TMEM132D: variants seen among roughly 807,000 people sequenced by gnomAD.
TMEM132D encodes mature OL transmembrane protein.
A neutral mutation model predicts 62.3 loss-of-function variants in TMEM132D; 21 were observed. The observed-to-expected ratio is 0.34, with a 90% CI of 0.24 to 0.49. The LOEUF (loss-of-function observed/expected upper bound fraction) is 0.49, where lower values mean the gene tolerates loss of function less well. Among genes scored for constraint, TMEM132D ranks in the 20% least tolerant of loss-of-function variants. TMEM132D has a pLI of 0.99. For synonymous variants in TMEM132D, 621 were observed against 575.6 expected (o/e 1.08, Z -1.13); for missense variants, 1,346 against 1,402.8 (o/e 0.96, Z 0.65).
In TMEM132D at chr12:129,418,940, A is replaced by G. The variant is rs57934860; in HGVS notation, c.1116-81123T>C. On this transcript the variant is annotated intron_variant, in intron 3 of 8. Coordinates refer to ENST00000422113, the MANE Select transcript of TMEM132D (RefSeq NM_133448.3). ...TGCCGAGTGACAATCAAGTGAAGCAACGACAGCCAGCACAGGCCAAGGGCT... is the reference window on the plus strand; with the variant it reads ...TGCCGAGTGACAATCAAGTGAAGCAGCGACAGCCAGCACAGGCCAAGGGCT... Among the ~76,000 whole-genome samples, 1,176 of 152,176 alleles carry G rather than the reference A, an allele frequency of 7.7e-3. 13 individuals are homozygous for G. The highest frequency in any genetic ancestry group is 0.027 in the African/African-American group (1,110 of 41,520).
intron 2 of TMEM132D, among the ~76,000 whole-genome samples, chr12:129,618,406 G>C (rs1379446106): frequency 6.6e-6 from 1 of 152,208 alleles, no homozygotes; most frequent in Non-Finnish European, 1.5e-5. Context: ...TTTACCTGAT[G>C]TGTTTGTTCG....
chr12:129,226,041 G>A (rs370467541), intron 4 of TMEM132D, among the ~76,000 whole-genome samples: 3 of 152,226 alleles, frequency 2.0e-5, no homozygotes, highest in Non-Finnish European at 2.9e-5. Context: ...GTTTCGAGCC[G>A]TAGAAGCTGT....
At chr12:129,634,306 A>C (rs141324896) in intron 2 of TMEM132D, among the ~76,000 whole-genome samples, 8 of 131,604 alleles carry the variant, frequency 6.1e-5, no homozygotes, top group African/African-American at 2.4e-4. Context: ...GTGTCTGTCT[A>C]TACGTTAAAA....
At position 129,504,753 on chromosome 12, in the gene TMEM132D, T is replaced by C. The variant is rs542850253; in HGVS notation, c.1115+26306A>G. Among the ~76,000 whole-genome samples the C allele has an allele frequency of 2.8e-3, 432 of 152,294 alleles. 2 individuals carry two copies. The highest frequency in any genetic ancestry group is 3.9e-3 in the Non-Finnish European group (266 of 68,026). ...CTGATCTTGGTTATTTCCTTTCTTC[T>C]GCTGGGTTTGGGTTTGTTCTTGTTT... On this transcript the variant is annotated intron_variant, in intron 3 of 8. Transcript: ENST00000422113.
intron 5 of TMEM132D, among the ~76,000 whole-genome samples, chr12:129,150,143 G>T (rs984105185): frequency 1.3e-5 from 2 of 152,206 alleles, no homozygotes; most frequent in Non-Finnish European, 2.9e-5. Context: ...GGGTGCTGGG[G>T]CTCACTCCCG....
intron 5 of TMEM132D, among the ~76,000 whole-genome samples, chr12:129,187,284 A>G (rs142313110): frequency 1.3e-5 from 2 of 152,224 alleles, no homozygotes; most frequent in Non-Finnish European, 2.9e-5. Flanking sequence ...ATCAACTCCA[A>G]TTGTGTTAGG....
intron 3 of TMEM132D, among the ~76,000 whole-genome samples, chr12:129,513,309 T>C (rs1042511999): frequency 6.6e-6 from 1 of 152,046 alleles, no homozygotes; most frequent in Non-Finnish European, 1.5e-5. Flanking sequence ...CTTTTGAGGG[T>C]GAGAGCTTAC....
chr12:129,604,069 GA>G (rs1254284751), intron 2 of TMEM132D, among the ~76,000 whole-genome samples: 2 of 152,140 alleles, frequency 1.3e-5, no homozygotes, highest in Non-Finnish European at 2.9e-5. Flanking sequence ...CACAGGAACA[GA>G]AAACCAAACA....
intron 1 of TMEM132D, among the ~76,000 whole-genome samples, chr12:129,743,215 AAATGGAAT>A (rs1869661807): frequency 6.6e-6 from 1 of 152,214 alleles, no homozygotes; most frequent in Non-Finnish European, 1.5e-5. Context: ...TGATTGTGGC[AAATGGAAT>A]AATACTTCCC....
At position 129,743,011 on chromosome 12, in the gene TMEM132D, G is replaced by A. The variant is rs1346590822; in HGVS notation, c.80-42313C>T. ...GAAGATCCACTGGGGGAATCACACT[G>A]TGTAAGGGTCTCAGGGAAAGTTTTT... On this transcript the variant is annotated intron_variant, in intron 1 of 8. Transcript: ENST00000422113. Among the ~76,000 whole-genome samples the A allele has an allele frequency of 3.9e-5, 6 of 152,354 alleles. No individual in the cohort carries two copies. In the East Asian group the frequency reaches 9.7e-4, roughly 25 times the overall value.
chr12:129,583,449 T>C (rs965452917), intron 2 of TMEM132D, among the ~76,000 whole-genome samples: 16 of 152,180 alleles, frequency 1.1e-4, no homozygotes, highest in African/African-American at 3.6e-4. Flanking sequence ...TTGTCAAAAC[T>C]CACAGAACTA....
At chr12:129,369,812 A>G (rs2135680103) in intron 3 of TMEM132D, among the ~76,000 whole-genome samples, 1 of 152,382 alleles carries the variant, frequency 6.6e-6, no homozygotes, top group African/African-American at 2.4e-5. Flanking sequence ...GGCTTCTCTT[A>G]AAAAAGAGAT....
At chr12:129,312,462 G>A (rs866071018) in intron 4 of TMEM132D, among the ~76,000 whole-genome samples, 1 of 152,360 alleles carries the variant, frequency 6.6e-6, no homozygotes, top group African/African-American at 2.4e-5. Flanking sequence ...GAATCTGAAT[G>A]AGAGGACATC....
chr12:129,836,090 C>T (rs74750470), intron 1 of TMEM132D, among the ~76,000 whole-genome samples: 4,490 of 152,282 alleles, frequency 0.029, 124 homozygotes, highest in South Asian at 0.096. Context: ...GTAACTGTGT[C>T]AATGCATCAA....
At chr12:129,473,492 G>A (rs752940405) in intron 3 of TMEM132D, among the ~76,000 whole-genome samples, 1 of 151,634 alleles carries the variant, frequency 6.6e-6, no homozygotes, top group African/African-American at 2.4e-5. Context: ...ACCATGCCTG[G>A]CTAATTTTTT....
intron 5 of TMEM132D, among the ~76,000 whole-genome samples, chr12:129,186,509 C>A (rs1044248756): frequency 1.3e-5 from 2 of 152,172 alleles, no homozygotes; most frequent in African/African-American, 4.8e-5. Context: ...TCACTGGGCC[C>A]CTTTCCTGGC....
chr12:129,085,436 T>C (rs1232358304), intron 5 of TMEM132D: 1 of 152,266 alleles, frequency 6.6e-6, no homozygotes, highest in African/African-American at 2.4e-5. Context: ...TCACAGAAGT[T>C]GCCCACCATG....
At chr12:129,136,959 CATT>C (rs1359925884) in intron 5 of TMEM132D, among the ~76,000 whole-genome samples, 2 of 151,292 alleles carry the variant, frequency 1.3e-5, no homozygotes, top group South Asian at 2.1e-4. Context: ...TCATCACCAT[CATT>C]ATCATCATCA....
chr12:129,451,054 G>A (rs190169846), intron 3 of TMEM132D, among the ~76,000 whole-genome samples: 255 of 152,102 alleles, frequency 1.7e-3, no homozygotes, highest in South Asian at 6.9e-3. Flanking sequence ...GAGCCACCGC[G>A]CCCGGCCAAT....
Sources: allele counts gnomAD v4.1 joint callset (sites outside exome capture counted in the v4.1 genomes callset), GRCh38; gene constraint gnomAD v4.1.1; transcripts MANE v1.5; gene names NCBI Gene and HGNC (gene_info 2026-07-23, HGNC 2026-07-21).